Variants in GRIK2 observed in about 807,000 individuals in gnomAD.
The protein encoded by GRIK2 is glutamate receptor ionotropic, kainate 2.
A neutral mutation model predicts 100.3 loss-of-function variants in GRIK2; 32 were observed. The observed-to-expected ratio is 0.32, with a 90% CI of 0.24 to 0.43. GRIK2 has a LOEUF of 0.43. GRIK2 is among the 20% of genes least tolerant of loss of function. The probability of loss-of-function intolerance (pLI) is 1.00; values close to 1 mark genes in which losing one functional copy is unlikely to be tolerated. For synonymous variants in GRIK2, 417 were observed against 389.4 expected, an observed-to-expected ratio of 1.07 and a Z score of -0.83; for missense variants, 843 against 1,114.9, an observed-to-expected ratio of 0.76 and a Z score of 3.47.
chr6:102,033,218 CTATTAA>C (rs1207862877), intron 14 of GRIK2, among the ~76,000 whole-genome samples: 4 of 151,042 alleles, frequency 2.6e-5, no homozygotes, highest in African/African-American at 9.7e-5. Context: ...TTTATTATTA[CTATTAA>C]TATTTATTTT....
intron 2 of GRIK2, among the ~76,000 whole-genome samples, chr6:101,458,110 GTAGA>G (rs139001274): frequency 0.21 from 32,242 of 151,698 alleles, 3,917 homozygotes; most frequent in East Asian, 0.3. Flanking sequence ...TCTGTAAGTA[GTAGA>G]TAGTTTATTA....
At chr6:102,065,324 A>C (rs1319311952) in intron 16 of GRIK2, among the ~76,000 whole-genome samples, 1 of 151,242 alleles carries the variant, frequency 6.6e-6, no homozygotes, top group Non-Finnish European at 1.5e-5. Context: ...AATTTACATT[A>C]TCTATTACTC....
intron 14 of GRIK2, among the ~76,000 whole-genome samples, chr6:101,968,429 G>GT (rs1792834537): frequency 6.6e-6 from 1 of 151,938 alleles, no homozygotes; most frequent in African/African-American, 2.4e-5. Context: ...ATTAGTGTCA[G>GT]TTTTTTACAT....
intron 10 of GRIK2, among the ~76,000 whole-genome samples, chr6:101,826,837 G>T (rs117735290): frequency 1.3e-5 from 2 of 151,922 alleles, no homozygotes; most frequent in East Asian, 3.9e-4. Context: ...TCACTATGCC[G>T]AATCCTCCCT....
chr6:101,925,861 T>G (rs1460465478), intron 13 of GRIK2, among the ~76,000 whole-genome samples: 1 of 152,036 alleles, frequency 6.6e-6, no homozygotes, highest in Admixed American at 6.5e-5. Flanking sequence ...AGAAATGCAT[T>G]AATTCATTAC....
chr6:101,944,482 A>G (rs191881971), intron 14 of GRIK2, among the ~76,000 whole-genome samples: 1 of 152,318 alleles, frequency 6.6e-6, no homozygotes, highest in African/African-American at 2.4e-5. Flanking sequence ...ACAAATGTTA[A>G]TGGTTTTGTA....
At chr6:101,396,352 A>G (rs1256031875) in intron 1 of GRIK2, among the ~76,000 whole-genome samples, 1 of 152,008 alleles carries the variant, frequency 6.6e-6, no homozygotes, top group African/African-American at 2.4e-5. Flanking sequence ...GTGATAACTA[A>G]TTGTACATTT....
chr6:101,400,878 C>A (rs142041038), intron 2 of GRIK2, among the ~76,000 whole-genome samples: 1 of 152,250 alleles, frequency 6.6e-6, no homozygotes, highest in East Asian at 1.9e-4. Context: ...TTTTTCATGC[C>A]TTTAGATGGT....
At chr6:101,630,750 T>A (rs959902688) in intron 4 of GRIK2, among the ~76,000 whole-genome samples, 14 of 152,116 alleles carry the variant, frequency 9.2e-5, no homozygotes, top group Admixed American at 5.9e-4. Flanking sequence ...TACTGTGAAC[T>A]GAAATGGGAA....
At chr6:101,897,591 A>C (rs1162418459) in intron 12 of GRIK2, among the ~76,000 whole-genome samples, 2 of 151,902 alleles carry the variant, frequency 1.3e-5, no homozygotes, top group African/African-American at 2.4e-5. Flanking sequence ...TGGCTTTAAA[A>C]AATTTCAATT....
At chr6:101,826,186 A>C (rs1383646796) in intron 10 of GRIK2, among the ~76,000 whole-genome samples, 2 of 152,104 alleles carry the variant, frequency 1.3e-5, no homozygotes, top group Non-Finnish European at 2.9e-5. Flanking sequence ...CAGAGAAGTA[A>C]TCAAGAACAT....
chr6:101,779,385 TAAATA>T (rs1439088193), intron 7 of GRIK2, among the ~76,000 whole-genome samples: 1 of 152,214 alleles, frequency 6.6e-6, no homozygotes, highest in African/African-American at 2.4e-5. Flanking sequence ...AATGAATATT[TAAATA>T]TATTTGCAGA....
intron 11 of GRIK2, among the ~76,000 whole-genome samples, chr6:101,873,439 G>A (rs1044242899): frequency 6.6e-6 from 1 of 151,682 alleles, no homozygotes; most frequent in African/African-American, 2.4e-5. Flanking sequence ...CCTTTTTTAT[G>A]GCTGCATAGT....
At chr6:101,608,685 CA>C (rs749869852) in intron 2 of GRIK2, among the ~76,000 whole-genome samples, 17 of 151,684 alleles carry the variant, frequency 1.1e-4, no homozygotes, top group Non-Finnish European at 1.8e-4. Context: ...AATTTTAGAA[CA>C]AATGCTTTAA....
At chr6:101,438,419 A>G (rs1390678957) in intron 2 of GRIK2, among the ~76,000 whole-genome samples, 1 of 152,102 alleles carries the variant, frequency 6.6e-6, no homozygotes, top group African/African-American at 2.4e-5. Context: ...TCTTTAGATG[A>G]ATTTTATTTG....
chr6:101,489,387 C>A (rs1217860888), intron 2 of GRIK2, among the ~76,000 whole-genome samples: 1 of 145,986 alleles, frequency 6.8e-6, no homozygotes, highest in Non-Finnish European at 1.5e-5. Flanking sequence ...TTGTGGAAAT[C>A]CATTCATTTA....
chr6:101,787,021 A>G (rs1484473350), intron 7 of GRIK2, among the ~76,000 whole-genome samples: 1 of 151,846 alleles, frequency 6.6e-6, no homozygotes, highest in Non-Finnish European at 1.5e-5. Context: ...CAGTTTTTCT[A>G]CTTCTTTCTA....
At chr6:101,979,193 T>C (rs999193259) in intron 14 of GRIK2, among the ~76,000 whole-genome samples, 3 of 151,890 alleles carry the variant, frequency 2.0e-5, no homozygotes, top group Admixed American at 6.6e-5. Context: ...AAATAGGAAG[T>C]AGTAGTCAGA....
intron 2 of GRIK2, among the ~76,000 whole-genome samples, chr6:101,580,561 C>T (rs1436910455): frequency 5.9e-5 from 9 of 152,208 alleles, no homozygotes; most frequent in African/African-American, 2.2e-4. Flanking sequence ...TTCTTTTGAA[C>T]ACAATATTCA....
Sources: allele counts gnomAD v4.1 joint callset (sites outside exome capture counted in the v4.1 genomes callset), GRCh38; gene constraint gnomAD v4.1.1; transcripts MANE v1.5; gene names NCBI Gene and HGNC (gene_info 2026-07-23, HGNC 2026-07-21).